Variants in PCGF2 observed in about 807,000 individuals in gnomAD.
PCGF2 encodes the protein polycomb group RING finger protein 2.
Under a neutral mutation model 36.1 loss-of-function variants are expected in PCGF2, and 8 were observed. The observed-to-expected ratio is 0.22, with a 90% CI of 0.13 to 0.40. The LOEUF (loss-of-function observed/expected upper bound fraction) is 0.40, where lower values mean the gene tolerates loss of function less well. Among genes scored for constraint, PCGF2 ranks in the 10% least tolerant of loss-of-function variants. PCGF2 has a pLI of 1.00. For missense variants in PCGF2, 436 were observed against 475.9 expected (o/e 0.92, Z 0.78); for synonymous variants, 198 against 191.2 (o/e 1.04, Z -0.29).
At position 38,735,447 on chromosome 17, in the gene PCGF2, C is replaced by T. The variant is rs1319854450; in HGVS notation, c.811G>A (p.Ala271Thr). ...GGGCTGGGCAGGGAGGAGGAGGTGG[C>T]TGGCAGGGTGGCAGGGCTGGGAGCC... ...DKAPSPATLP[A>T]TSSSLPSPAT... Residue 271 changes from alanine (A) to threonine (T), a missense_variant, in exon 11 of 11, where the codon GCC becomes ACC. Transcript: ENST00000620225. The T allele has an allele frequency of 6.3e-7, 1 of 1,586,368 alleles. No homozygotes were observed. Among genetic ancestry groups the T allele is most frequent in the Non-Finnish European group, 8.6e-7 (1 of 1,166,096 alleles).
chr17:38,737,149 A>G (rs1400785099), intron 9 of PCGF2, among the ~76,000 whole-genome samples: 1 of 150,804 alleles, frequency 6.6e-6, no homozygotes, highest in Non-Finnish European at 1.5e-5. Context: ...AAACAAACAA[A>G]CAAACAAAAA....
At position 38,740,253 on chromosome 17, in the gene PCGF2, G is replaced by T. The variant is rs748085754; in HGVS notation, c.112+38C>A. On this transcript the variant is annotated intron_variant, in intron 3 of 10. Coordinates refer to ENST00000620225, the MANE Select transcript of PCGF2 (RefSeq NM_007144.3). ...TGCCCGCCCCAATCTGGGCACAGAG[G>T]CTGCCCACCCTGAGCAGCTCCCCTC... The T allele has an allele frequency of 2.5e-6, 4 of 1,583,754 alleles. No individual in the cohort carries two copies. In the East Asian group the frequency reaches 8.9e-5, roughly 35 times the overall value.
At chr17:38,736,691 G>A (rs1318129710) in intron 9 of PCGF2, among the ~76,000 whole-genome samples, 1 of 152,170 alleles carries the variant, frequency 6.6e-6, no homozygotes, top group Non-Finnish European at 1.5e-5. Context: ...AAAATTAGCT[G>A]GGCGTGGTGG....
Position 38,735,752 on chromosome 17 carries a change from G to A in PCGF2, c.658-152C>T, listed in dbSNP as rs1598012292. 3 of 1,088,158 alleles carry A rather than the reference G, an allele frequency of 2.8e-6. No individual in the cohort carries two copies. The East Asian group carries it at 7.8e-5, about 28-fold the overall frequency. 67.4% of individuals were successfully genotyped at this position (1,088,158 alleles called of 1,614,324 possible). A position where few individuals can be genotyped will look rare whatever the true frequency, so the allele number is the denominator to read the frequency against. ...GGAGAGGAGAGAGACAAGGATACAG[G>A]GTGCATGAAGACCCAGAGAGGGAAA... is the stretch of plus-strand genomic sequence containing the variant. On this transcript the variant is annotated intron_variant, in intron 10 of 10. Coordinates refer to ENST00000620225, the MANE Select transcript of PCGF2 (RefSeq NM_007144.3).
chr17:38,739,697 G>T lies in PCGF2; in HGVS notation c.113-15C>A. On this transcript the variant is annotated splice_polypyrimidine_tract_variant and intron_variant, in intron 3 of 10. Coordinates refer to ENST00000620225, the MANE Select transcript of PCGF2 (RefSeq NM_007144.3). The surrounding 1 kb of genome is among the most constrained non-coding windows in gnomAD (Gnocchi z 4.0). Reference sequence around the variant, plus strand: ...GGTTTTGCAGACTTGGGGGTGTGGAGAGAGAGAGGAGAGTCAGAGCCAACT... The same window carrying T: ...GGTTTTGCAGACTTGGGGGTGTGGATAGAGAGAGGAGAGTCAGAGCCAACT... 1.9e-6 allele frequency: 3 copies of T among 1,599,762 alleles called. No individual in the cohort carries two copies. Among genetic ancestry groups the T allele is most frequent in the Non-Finnish European group, 8.6e-7 (1 of 1,167,006 alleles).
intron 9 of PCGF2, among the ~76,000 whole-genome samples, chr17:38,736,613 T>C (rs1906753463): frequency 6.6e-6 from 1 of 150,396 alleles, no homozygotes; most frequent in South Asian, 2.1e-4. Context: ...GGCGGGCGGA[T>C]CACAAGGTCA....
chr17:38,744,696 C>G (rs1252023074), intron 2 of PCGF2, among the ~76,000 whole-genome samples: 1 of 152,156 alleles, frequency 6.6e-6, no homozygotes, highest in Non-Finnish European at 1.5e-5. Flanking sequence ...GGAAGCCACC[C>G]TGCAATTTAG....
At position 38,739,828 on chromosome 17, in the gene PCGF2, C is replaced by T. The variant is rs990775756; in HGVS notation, c.113-146G>A. 4 of 681,248 alleles carry T rather than the reference C, an allele frequency of 5.9e-6. No homozygotes were observed. Among genetic ancestry groups the T allele is most frequent in the East Asian group, 5.3e-5 (2 of 37,620 alleles). 42.2% of individuals were successfully genotyped at this position (681,248 alleles called of 1,614,324 possible). A position where few individuals can be genotyped will look rare whatever the true frequency, so the allele number is the denominator to read the frequency against. ...CCAATGTGGCGATGTGTGTTCTGCACGTGTGGTACCTGTCCTTGTGCACTG... is the reference window on the plus strand; with the variant it reads ...CCAATGTGGCGATGTGTGTTCTGCATGTGTGGTACCTGTCCTTGTGCACTG... On this transcript the variant is annotated intron_variant, in intron 3 of 10. Transcript: ENST00000620225. This position sits in a 1 kb window ranked among gnomAD's most constrained non-coding sequence, Gnocchi z 4.0.
At position 38,739,082 on chromosome 17, in the gene PCGF2, T is replaced by C. The variant is rs1011253528; in HGVS notation, c.302A>G (p.Tyr101Cys). Residue 101 changes from tyrosine to cysteine, a missense_variant, in exon 6 of 11, where the codon TAC becomes TGC. By Grantham distance (194) the Tyr-to-Cys change is radical (BLOSUM62 -2). Transcript: ENST00000620225. The surrounding 1 kb of genome is among the most constrained non-coding windows in gnomAD (Gnocchi z 4.0). ...AGCACACTCACCCTCCGTCAGGGGG[T>C]ACGCTGCATAGAAATCCCGCCGCCG... ...MKRRRDFYAA[Y>C]PLTEVPNGSN... The C allele has an allele frequency of 1.9e-6, 3 of 1,612,796 alleles. No homozygotes were observed. The highest frequency in any genetic ancestry group is 1.3e-5 in the African/African-American group (1 of 74,722).
At position 38,735,211 on chromosome 17, in the gene PCGF2, G is replaced by C; in HGVS notation, c.*12C>G. On this transcript the variant is annotated 3_prime_UTR_variant, in exon 11 of 11. Transcript: ENST00000620225. ...AGAGGCTTGGCTGGAAGAAGGGAGA[G>C]GGTCCCTGGCCTCAAGTTAAGGGGG... 1 of 1,393,672 alleles carries C rather than the reference G, an allele frequency of 7.2e-7. No homozygotes were observed. The highest frequency in any genetic ancestry group is 9.4e-7 in the Non-Finnish European group (1 of 1,063,724). 86.3% of individuals were successfully genotyped at this position (1,393,672 alleles called of 1,614,324 possible). A position where few individuals can be genotyped will look rare whatever the true frequency, so the allele number is the denominator to read the frequency against.
At chr17:38,746,736 C>G (rs1489304616) in intron 2 of PCGF2, 1 of 152,346 alleles carries the variant, frequency 6.6e-6, no homozygotes, top group Admixed American at 6.5e-5. Context: ...TGAACCCTAC[C>G]TAGCTACACA....
chr17:38,746,413 A>G (rs1196570996), intron 2 of PCGF2: 1 of 152,556 alleles, frequency 6.6e-6, no homozygotes. Flanking sequence ...CCCCACCTAG[A>G]AGCACACAGC....
intron 2 of PCGF2, among the ~76,000 whole-genome samples, chr17:38,742,574 AGAAG>A (rs1414321762): frequency 1.3e-5 from 2 of 152,146 alleles, no homozygotes; most frequent in East Asian, 1.9e-4. Flanking sequence ...CGGGGATCTG[AGAAG>A]GGAGAGGGGT....
Position 38,738,818 on chromosome 17 carries a change from C to T in PCGF2, c.360G>A (p.Gln120=), listed in dbSNP as rs1307714212. The T allele has an allele frequency of 1.2e-6, 2 of 1,614,030 alleles. No homozygotes were observed. Among genetic ancestry groups the T allele is most frequent in the South Asian group, 2.2e-5 (2 of 91,092 alleles). ...CATCATCACTCAGAGCCCCCTTCTC[C>T]TGCTCCAAGACCTCGCCGCGGTCCT... ...SNEDRGEVLE[Q]EKGALSDDEI... The change falls in exon 7 of 11, where the codon CAG becomes CAA. Residue 120 remains glutamine, a synonymous_variant. Coordinates refer to ENST00000620225, the MANE Select transcript of PCGF2 (RefSeq NM_007144.3).
chr17:38,736,820 C>T (rs919059583), intron 9 of PCGF2, among the ~76,000 whole-genome samples: 8 of 150,614 alleles, frequency 5.3e-5, no homozygotes, highest in Non-Finnish European at 8.9e-5. Flanking sequence ...GGCGACAGAG[C>T]GAGACTCCGT....
intron 2 of PCGF2, among the ~76,000 whole-genome samples, chr17:38,742,192 A>C (rs1205822749): frequency 6.6e-6 from 1 of 152,182 alleles, no homozygotes; most frequent in Non-Finnish European, 1.5e-5. Context: ...TGGAAGGGAC[A>C]GCAGCCCTCC....
Position 38,739,349 on chromosome 17 carries a change from C to T in PCGF2, c.210-96G>A. 1 of 1,160,192 alleles carries T rather than the reference C, an allele frequency of 8.6e-7. No individual in the cohort carries two copies. The highest frequency in any genetic ancestry group is 1.3e-6 in the Non-Finnish European group (1 of 776,028). 71.9% of individuals were successfully genotyped at this position (1,160,192 alleles called of 1,614,324 possible). A position where few individuals can be genotyped will look rare whatever the true frequency, so the allele number is the denominator to read the frequency against. On this transcript the variant is annotated intron_variant, in intron 4 of 10. Coordinates refer to ENST00000620225, the MANE Select transcript of PCGF2 (RefSeq NM_007144.3). This position sits in a 1 kb window ranked among gnomAD's most constrained non-coding sequence, Gnocchi z 4.0. ...AGCCAGGGTACCCCTCTTCCCACCC[C>T]CTTCCTGAGACCGGTGCCCAGGCAT...
chr17:38,738,317 A>C, intron 9 of PCGF2, 36 bp downstream of exon 9: 1 of 1,525,114 alleles, frequency 6.6e-7, no homozygotes, highest in Non-Finnish European at 9.1e-7. Flanking sequence ...ACACCCATAC[A>C]CAGACACTCA....
chr17:38,739,349 C>G lies in PCGF2; in HGVS notation c.210-96G>C, dbSNP rs906538547. Reference sequence around the variant, plus strand: ...AGCCAGGGTACCCCTCTTCCCACCCCCTTCCTGAGACCGGTGCCCAGGCAT... The same window carrying G: ...AGCCAGGGTACCCCTCTTCCCACCCGCTTCCTGAGACCGGTGCCCAGGCAT... On this transcript the variant is annotated intron_variant, in intron 4 of 10. Coordinates refer to ENST00000620225, the MANE Select transcript of PCGF2 (RefSeq NM_007144.3). The surrounding 1 kb of genome is among the most constrained non-coding windows in gnomAD (Gnocchi z 4.0). 5.2e-6 allele frequency: 6 copies of G among 1,160,192 alleles called. No homozygotes were observed. Among genetic ancestry groups the G allele is most frequent in the Admixed American group, 3.6e-5 (2 of 55,736 alleles). 71.9% of individuals were successfully genotyped at this position (1,160,192 alleles called of 1,614,324 possible). A position where few individuals can be genotyped will look rare whatever the true frequency, so the allele number is the denominator to read the frequency against.
Sources: gnomAD v4.1 joint callset for allele counts (sites outside exome capture counted in the v4.1 genomes callset) on GRCh38, gnomAD v4.1.1 for gene constraint, Gnocchi (gnomAD v3.1) non-coding constraint, MANE v1.5 for transcripts, NCBI Gene and HGNC (gene_info 2026-07-23, HGNC 2026-07-21) for gene names.